Variants in DSCAML1 observed in about 807,000 individuals in gnomAD.
DSCAML1 encodes the protein cell adhesion molecule DSCAML1.
A neutral mutation model predicts 200.5 loss-of-function variants in DSCAML1; 38 were observed. That is an observed-to-expected ratio of 0.19 (90% confidence interval 0.15 to 0.25). DSCAML1 has a LOEUF of 0.25. Ranked by LOEUF, DSCAML1 falls within the 10% of genes least tolerant of loss-of-function variation. DSCAML1 has a pLI of 1.00. For missense variants in DSCAML1, 2,223 were observed against 2,858.8 expected (o/e 0.78, Z 5.07); for synonymous variants, 1,215 against 1,165.0 (o/e 1.04, Z -0.87).
intron 20 of DSCAML1, among the ~76,000 whole-genome samples, chr11:117,449,376 C>T (rs2048240799): frequency 6.6e-6 from 1 of 152,102 alleles, no homozygotes; most frequent in East Asian, 1.9e-4. Flanking sequence ...GAGTGGGGGG[C>T]CGCAGTCAGT....
intron 8 of DSCAML1, among the ~76,000 whole-genome samples, chr11:117,512,761 TCACA>T (rs71037482): frequency 0.038 from 4,239 of 112,988 alleles, 62 homozygotes; most frequent in Admixed American, 0.067. Flanking sequence ...TCCTCTAGGA[TCACA>T]CACACACACA....
Position 117,780,302 on chromosome 11 carries a change from A to G in DSCAML1, c.364+191T>C, listed in dbSNP as rs142591642. Among the ~76,000 whole-genome samples, 1,237 of 115,168 alleles carry G rather than the reference A, an allele frequency of 0.011. 48 individuals are homozygous for G. The highest frequency in any genetic ancestry group is 0.07 in the Middle Eastern group (17 of 242). 75.6% of individuals were successfully genotyped at this position (115,168 alleles called of 152,430 possible). ...AAAGAAAGAAAGAAAGAAAGAAAGA[A>G]AGAGAGAAAGGAGAAAGAAAGGTGT... is the stretch of plus-strand genomic sequence containing the variant. On this transcript the variant is annotated intron_variant, in intron 2 of 32. Transcript: ENST00000651296. This position sits in a 1 kb window ranked among gnomAD's most constrained non-coding sequence, Gnocchi z 4.8.
rs184403800 is a variant in DSCAML1, at chr11:117,726,924, C to A, written c.511+49867G>T. ...CAAAGCAACAGCATGACATATTGTA[C>A]CCCAGGCAGCACGTAGCCTACTGGG... On this transcript the variant is annotated intron_variant, in intron 3 of 32. Transcript: ENST00000651296. Among the ~76,000 whole-genome samples, 107 of 152,172 alleles carry A rather than the reference C, an allele frequency of 7.0e-4. 3 individuals are homozygous for A. The East Asian group carries it at 0.017, about 25-fold the overall frequency.
At chr11:117,495,605 C>T (rs1005941739) in intron 11 of DSCAML1, among the ~76,000 whole-genome samples, 5 of 152,128 alleles carry the variant, frequency 3.3e-5, no homozygotes, top group Non-Finnish European at 4.4e-5. Flanking sequence ...CCTGGTCTAG[C>T]ACACAGCTCT....
intron 3 of DSCAML1, among the ~76,000 whole-genome samples, chr11:117,699,990 G>A (rs561411090): frequency 6.6e-6 from 1 of 152,308 alleles, no homozygotes; most frequent in East Asian, 1.9e-4. Flanking sequence ...TGGCACAAGG[G>A]TGGGCAGTGA....
chr11:117,554,378 TA>T (rs2050520676), intron 3 of DSCAML1, among the ~76,000 whole-genome samples: 5 of 150,732 alleles, frequency 3.3e-5, no homozygotes, highest in Non-Finnish European at 3.0e-5. Flanking sequence ...TATTATTTAT[TA>T]TTTATTATTT....
chr11:117,468,455 GAGCTTTGT>G (rs2048625768), intron 16 of DSCAML1, among the ~76,000 whole-genome samples: 1 of 152,212 alleles, frequency 6.6e-6, no homozygotes, highest in African/African-American at 2.4e-5. Context: ...CTGTGGGTCA[GAGCTTTGT>G]AGCCCAATGT....
rs1367581633 is a variant in DSCAML1, at chr11:117,432,469, C to G, written c.5062G>C (p.Glu1688Gln). The G allele has an allele frequency of 1.2e-6, 2 of 1,614,082 alleles. No individual in the cohort carries two copies. The highest frequency in any genetic ancestry group is 1.7e-5 in the Admixed American group (1 of 60,012). The change falls in exon 30 of 33, where the codon GAG becomes CAG. Residue 1688 changes from glutamate (E) to glutamine (Q), a missense_variant. By Grantham distance (29) the Glu-to-Gln change is conservative. This residue lies in a region of DSCAML1 where 614 missense variants were observed against 739.1 expected (regional missense o/e 0.83). Transcript: ENST00000651296. ...TGTGGGTTGACAGCTTGGCTGAACT[C>G]AGCATCTGTCACAGGGATGGTGGCC... Reference protein sequence around the residue: ...DKATIPVTDAEFSQAVNPQSF... With the variant: ...DKATIPVTDAQFSQAVNPQSF...
intron 3 of DSCAML1, among the ~76,000 whole-genome samples, chr11:117,761,912 A>G (rs2054810956): frequency 6.6e-6 from 1 of 152,170 alleles, no homozygotes; most frequent in South Asian, 2.1e-4. Flanking sequence ...TAACAGTTCC[A>G]CCCACCTTAT....
rs139400864 is a variant in DSCAML1, at chr11:117,437,971, C to T, written c.4356G>A (p.Lys1452=). Reference sequence around the variant, plus strand: ...CGCTGTTCTTGGCTGCCAGCTTCACCTTGTACCACGTGCCACACTTGAGGC... The same window carrying T: ...CGCTGTTCTTGGCTGCCAGCTTCACTTTGTACCACGTGCCACACTTGAGGC... ...LDSLKCGTWY[K]VKLAAKNSVG... Residue 1452 remains lysine, a synonymous_variant, in exon 25 of 33, where the codon AAG becomes AAA. Coordinates refer to ENST00000651296, the MANE Select transcript of DSCAML1 (RefSeq NM_020693.4). The surrounding 1 kb of genome is among the most constrained non-coding windows in gnomAD (Gnocchi z 5.3). The T allele has an allele frequency of 8.9e-5, 143 of 1,614,112 alleles. No individual in the cohort carries two copies. The highest frequency in any genetic ancestry group is 5.0e-4 in the Middle Eastern group (3 of 6,048).
chr11:117,482,590 T>C (rs905284759), intron 11 of DSCAML1, among the ~76,000 whole-genome samples: 1 of 152,190 alleles, frequency 6.6e-6, no homozygotes, highest in Non-Finnish European at 1.5e-5. Flanking sequence ...CTGTCTTATA[T>C]TACCATGATC....
chr11:117,704,090 G>A (rs1315721085), intron 3 of DSCAML1, among the ~76,000 whole-genome samples: 1 of 133,712 alleles, frequency 7.5e-6, no homozygotes, highest in Non-Finnish European at 1.6e-5. Context: ...GGAAGAAGGA[G>A]AAAGTATGAG....
intron 3 of DSCAML1, among the ~76,000 whole-genome samples, chr11:117,631,838 G>C (rs2052181079): frequency 6.6e-6 from 1 of 152,216 alleles, no homozygotes; most frequent in Admixed American, 6.5e-5. Flanking sequence ...CTGGTGACCT[G>C]GTGCCTGTCC....
intron 3 of DSCAML1, among the ~76,000 whole-genome samples, chr11:117,735,584 A>G (rs900349978): frequency 1.3e-5 from 2 of 152,224 alleles, no homozygotes; most frequent in African/African-American, 4.8e-5. Context: ...CTGGCCCTCC[A>G]TAGAAAGAGA....
At chr11:117,731,828 A>G (rs2054225526) in intron 3 of DSCAML1, among the ~76,000 whole-genome samples, 1 of 152,228 alleles carries the variant, frequency 6.6e-6, no homozygotes, top group African/African-American at 2.4e-5. Context: ...TGTGGATGAA[A>G]TGGCACAACA....
chr11:117,662,329 G>A (rs1193155590), intron 3 of DSCAML1, among the ~76,000 whole-genome samples: 1 of 152,234 alleles, frequency 6.6e-6, no homozygotes, highest in Non-Finnish European at 1.5e-5. Context: ...TTTTCAGTCT[G>A]GAAAAGAGAT....
At chr11:117,484,059 C>T (rs2048988082) in intron 11 of DSCAML1, among the ~76,000 whole-genome samples, 1 of 149,796 alleles carries the variant, frequency 6.7e-6, no homozygotes, top group Admixed American at 6.6e-5. Flanking sequence ...TGCCCCGGCA[C>T]CGTGTCTCTG....
intron 3 of DSCAML1, among the ~76,000 whole-genome samples, chr11:117,676,263 G>C (rs1338383546): frequency 6.6e-6 from 1 of 151,946 alleles, no homozygotes; most frequent in Admixed American, 6.5e-5. Context: ...CAGGGAATGA[G>C]GCAGAGATAT....
intron 3 of DSCAML1, among the ~76,000 whole-genome samples, chr11:117,665,419 C>T (rs745385655): frequency 2.6e-5 from 4 of 152,218 alleles, no homozygotes; most frequent in Non-Finnish European, 4.4e-5. Context: ...GCACAGAGTA[C>T]GCGAGCTGTG....
Sources: allele counts gnomAD v4.1 joint callset (sites outside exome capture counted in the v4.1 genomes callset), GRCh38; gene constraint gnomAD v4.1.1; regional missense constraint gnomAD v4.1.1; non-coding constraint Gnocchi (gnomAD v3.1); transcripts MANE v1.5; gene names NCBI Gene and HGNC (gene_info 2026-07-23, HGNC 2026-07-21).